COA1: variants seen among roughly 807,000 people sequenced by gnomAD.
COA1 encodes cytochrome c oxidase assembly factor 1 homolog.
A neutral mutation model predicts 16.0 loss-of-function variants in COA1; 13 were observed. The ratio of observed to expected loss-of-function variants is 0.81; its 90% CI spans 0.53 to 1.29. The LOEUF (loss-of-function observed/expected upper bound fraction) is 1.29, where lower values mean the gene tolerates loss of function less well. Ranked by LOEUF, COA1 falls within the 50% of genes most tolerant of loss-of-function variation. The probability of loss-of-function intolerance (pLI) is 0.00; values close to 1 mark genes in which losing one functional copy is unlikely to be tolerated. For missense variants in COA1, 179 were observed against 177.0 expected, an observed-to-expected ratio of 1.01 and a Z score of -0.06; for synonymous variants, 65 against 65.7, an observed-to-expected ratio of 0.99 and a Z score of 0.05.
At chr7:43,636,363 G>A (rs1484030351), downstream of COA1, among the ~76,000 whole-genome samples, 2 of 51,936 alleles carry the variant, frequency 3.9e-5, no homozygotes, top group African/African-American at 1.9e-4. Flanking sequence ...TGAGCCTCCT[G>A]TGTAAAACAG....
chr7:43,715,187 T>C (rs910761517), intron 1 of COA1, among the ~76,000 whole-genome samples: 2 of 152,174 alleles, frequency 1.3e-5, no homozygotes, highest in African/African-American at 4.8e-5. Context: ...TGTTTCATAA[T>C]ATTCCTGATA....
intron 6 of COA1, chr7:43,624,537 G>A (rs770775482): frequency 1.2e-6 from 2 of 1,612,758 alleles, no homozygotes; most frequent in Middle Eastern, 1.7e-4. Flanking sequence ...CACTGCTGAA[G>A]AATGTCTAAA....
intron 1 of COA1, among the ~76,000 whole-genome samples, chr7:43,681,860 C>T (rs1029420903): frequency 6.6e-6 from 1 of 152,164 alleles, no homozygotes; most frequent in Non-Finnish European, 1.5e-5. Context: ...AACCCAAAAG[C>T]ACACTCCTTT....
At chr7:43,630,364 A>T (rs531414516) in intron 6 of COA1, among the ~76,000 whole-genome samples, 1 of 152,242 alleles carries the variant, frequency 6.6e-6, no homozygotes, top group East Asian at 1.9e-4. Context: ...ATTTTTCCTA[A>T]ATATGTTAGC....
intron 1 of COA1, among the ~76,000 whole-genome samples, chr7:43,714,629 C>CAA (rs575643573): frequency 1.9e-5 from 2 of 107,458 alleles, no homozygotes; most frequent in African/African-American, 7.0e-5. Context: ...AACTCCATCT[C>CAA]AAAAAAAAAA....
intron 6 of COA1, among the ~76,000 whole-genome samples, chr7:43,616,434 G>A (rs180858186): frequency 1.3e-5 from 2 of 152,238 alleles, no homozygotes; most frequent in Admixed American, 1.3e-4. Flanking sequence ...TAAATGTGTG[G>A]TAGGCACTGA....
At chr7:43,690,865 C>T (rs2094246046) in intron 1 of COA1, among the ~76,000 whole-genome samples, 1 of 151,660 alleles carries the variant, frequency 6.6e-6, no homozygotes, top group South Asian at 2.1e-4. Flanking sequence ...TATCCTCTTC[C>T]CTATAACTGG....
At chr7:43,682,449 G>C (rs2093812025) in intron 1 of COA1, among the ~76,000 whole-genome samples, 1 of 152,118 alleles carries the variant, frequency 6.6e-6, no homozygotes, top group African/African-American at 2.4e-5. Context: ...ATTGATCTCT[G>C]TTTGAACATG....
chr7:43,619,360 CAT>C (rs2083638679), intron 6 of COA1, among the ~76,000 whole-genome samples: 1 of 152,090 alleles, frequency 6.6e-6, no homozygotes, highest in Admixed American at 6.6e-5. Context: ...GGGATAGAAA[CAT>C]ATTTATATGC....
intron 1 of COA1, among the ~76,000 whole-genome samples, chr7:43,681,414 A>C (rs892110042): frequency 1.9e-4 from 29 of 152,242 alleles, no homozygotes; most frequent in Admixed American, 8.5e-4. Flanking sequence ...CACTTCTCAC[A>C]AATATCTTTT....
At chr7:43,624,640 C>G (rs2084291461) in intron 6 of COA1, 1 of 1,613,986 alleles carries the variant, frequency 6.2e-7, no homozygotes, top group African/African-American at 1.3e-5. Flanking sequence ...GAAGGTCATT[C>G]TGTGCCTGAA....
At position 43,656,513 on chromosome 7, in the gene COA1, T is replaced by A. The variant is rs184371625; in HGVS notation, c.-38-7861A>T. On this transcript the variant is annotated intron_variant, in intron 1 of 5. Transcript: ENST00000223336. ...GAGATCGAGACCATCCTGGCCAACA[T>A]GGTGAAACCCTGTCTCTACTAAAAA... Among the ~76,000 whole-genome samples, 455 of 151,858 alleles carry A rather than the reference T, an allele frequency of 3.0e-3. 1 individual carries two copies. Among genetic ancestry groups the A allele is most frequent in the African/African-American group, 0.011 (435 of 41,428 alleles).
At chr7:43,661,747 G>A (rs58271876) in intron 1 of COA1, among the ~76,000 whole-genome samples, 573 of 152,106 alleles carry the variant, frequency 3.8e-3, no homozygotes, top group African/African-American at 0.013. Flanking sequence ...TTGTACCTCT[G>A]GAGGGCCTTG....
intron 6 of COA1, among the ~76,000 whole-genome samples, chr7:43,616,916 A>AT (rs992438060): frequency 6.6e-5 from 10 of 152,302 alleles, no homozygotes; most frequent in Non-Finnish European, 1.2e-4. Context: ...GGGACCATCT[A>AT]TGCCTCAATT....
rs1231238244 is a variant in COA1 at position 43,664,127 on chromosome 7, G to GAGAGAGAGAGAGAGAGAGAGAGAGAGAT, written c.-38-15476_-38-15475insATCTCTCTCTCTCTCTCTCTCTCTCTCT. On this transcript the variant is annotated intron_variant, in intron 1 of 5. Coordinates refer to ENST00000223336, the MANE Select transcript of COA1 (RefSeq NM_018224.4). ...AAAGAGAGAGAGAGAGAGAGAGAGA[G>GAGAGAGAGAGAGAGAGAGAGAGAGAGAT]AGAGTCTTGCTATATTGCCCAGGCT... 1.8e-3 allele frequency among the ~76,000 whole-genome samples: 274 copies of GAGAGAGAGAGAGAGAGAGAGAGAGAGAT among 150,754 alleles called. 4 individuals are homozygous for GAGAGAGAGAGAGAGAGAGAGAGAGAGAT. Among genetic ancestry groups the GAGAGAGAGAGAGAGAGAGAGAGAGAGAT allele is most frequent in the African/African-American group, 6.4e-3 (259 of 40,578 alleles).
chr7:43,612,425 G>C (rs1217902377), intron 6 of COA1, among the ~76,000 whole-genome samples: 1 of 152,236 alleles, frequency 6.6e-6, no homozygotes, highest in Non-Finnish European at 1.5e-5. Flanking sequence ...TCGACAGTGT[G>C]TGCTCATAAT....
chr7:43,615,806 G>C (rs1010795192), intron 6 of COA1, among the ~76,000 whole-genome samples: 5 of 152,144 alleles, frequency 3.3e-5, no homozygotes, highest in African/African-American at 1.2e-4. Context: ...TGCCTGGAAT[G>C]CTTCCTGCTT....
At chr7:43,677,348 G>A (rs1208996985) in intron 1 of COA1, among the ~76,000 whole-genome samples, 6 of 152,058 alleles carry the variant, frequency 3.9e-5, no homozygotes, top group South Asian at 4.1e-4. Context: ...CTCTAACACC[G>A]TTTATTTAAT....
intron 1 of COA1, among the ~76,000 whole-genome samples, chr7:43,692,196 C>T (rs2094393112): frequency 6.6e-6 from 1 of 152,140 alleles, no homozygotes; most frequent in African/African-American, 2.4e-5. Context: ...TTTATAATCA[C>T]CAAGTTAATA....
Sources: gnomAD v4.1 joint callset for allele counts (sites outside exome capture counted in the v4.1 genomes callset) on GRCh38, gnomAD v4.1.1 for gene constraint, MANE v1.5 for transcripts, NCBI Gene and HGNC (gene_info 2026-07-23, HGNC 2026-07-21) for gene names.